Variants in SKAP1 observed in about 807,000 individuals in gnomAD.
SKAP1 encodes src kinase associated phosphoprotein 1.
SKAP1 carries 44 observed loss-of-function variants against 58.5 expected under a neutral mutation model. The observed-to-expected ratio is 0.75, with a 90% CI of 0.59 to 0.97. SKAP1 has a LOEUF of 0.97. Ranked by LOEUF, SKAP1 falls within the 50% of genes least tolerant of loss-of-function variation. The probability of loss-of-function intolerance (pLI) is 0.00; values close to 1 mark genes in which losing one functional copy is unlikely to be tolerated. For synonymous variants in SKAP1, 127 were observed against 149.7 expected (o/e 0.85, Z 1.11); for missense variants, 390 against 435.2 (o/e 0.90, Z 0.92).
chr17:48,236,325 G>T (rs895732085), intron 4 of SKAP1, among the ~76,000 whole-genome samples: 5 of 152,234 alleles, frequency 3.3e-5, no homozygotes, highest in African/African-American at 1.2e-4. Flanking sequence ...TTTATCATTT[G>T]TATTAAGGTT....
In SKAP1 at chr17:48,133,550, C is replaced by G. The variant is rs2063664720; in HGVS notation, c.*274G>C. The G allele has an allele frequency of 6.6e-6, 1 of 152,266 alleles. No individual in the cohort carries two copies. Among genetic ancestry groups the G allele is most frequent in the Non-Finnish European group, 1.5e-5 (1 of 68,062 alleles). 9.4% of individuals were successfully genotyped at this position (152,266 alleles called of 1,614,324 possible). On this transcript the variant is annotated 3_prime_UTR_variant, in exon 13 of 13. Transcript: ENST00000336915. ...TCTCTCTCACCTTCTTTGTGAAAAG[C>G]TTGTGGAAAAGGCAGATGTGGTTGT...
At chr17:48,312,067 T>C (rs1173797199) in intron 4 of SKAP1, among the ~76,000 whole-genome samples, 2 of 152,252 alleles carry the variant, frequency 1.3e-5, no homozygotes, top group Non-Finnish European at 2.9e-5. Flanking sequence ...TTTGAAGTAC[T>C]TCTGTATTCT....
intron 2 of SKAP1, among the ~76,000 whole-genome samples, chr17:48,379,466 C>G (rs1285671388): frequency 1.3e-5 from 2 of 152,152 alleles, no homozygotes; most frequent in Non-Finnish European, 2.9e-5. Flanking sequence ...CTAAGAACTA[C>G]AATGAATTAC....
At chr17:48,197,147 A>G (rs934111483) in intron 4 of SKAP1, among the ~76,000 whole-genome samples, 2 of 151,218 alleles carry the variant, frequency 1.3e-5, no homozygotes, top group African/African-American at 4.8e-5. Context: ...AATCCCAGCT[A>G]CTTGGGAGGC....
chr17:48,138,560 G>C (rs2063730973), intron 11 of SKAP1, among the ~76,000 whole-genome samples: 1 of 151,998 alleles, frequency 6.6e-6, no homozygotes, highest in African/African-American at 2.4e-5. Flanking sequence ...AGTAGAGATG[G>C]GGTTTCACCA....
intron 1 of SKAP1, among the ~76,000 whole-genome samples, chr17:48,403,142 C>G (rs1233885580): frequency 6.7e-6 from 1 of 149,830 alleles, no homozygotes; most frequent in Non-Finnish European, 1.5e-5. Context: ...GGTAGGAGAA[C>G]TGCTTGAGCC....
chr17:48,285,211 G>T (rs8065385), intron 4 of SKAP1, among the ~76,000 whole-genome samples: 1 of 152,050 alleles, frequency 6.6e-6, no homozygotes, highest in Admixed American at 6.5e-5. Context: ...ATTTGAATAA[G>T]GGAATAAGAT....
At chr17:48,153,243 A>C (rs2143172305) in intron 11 of SKAP1, among the ~76,000 whole-genome samples, 1 of 152,312 alleles carries the variant, frequency 6.6e-6, no homozygotes, top group Non-Finnish European at 1.5e-5. Flanking sequence ...TCTTGTTAGC[A>C]GGTTTACATG....
chr17:48,151,246 C>T (rs956905526), intron 11 of SKAP1, among the ~76,000 whole-genome samples: 2 of 152,118 alleles, frequency 1.3e-5, no homozygotes, highest in African/African-American at 4.8e-5. Flanking sequence ...TATCTAGATG[C>T]ACTTCTGTTA....
At chr17:48,338,366 G>A (rs908466832) in intron 4 of SKAP1, among the ~76,000 whole-genome samples, 1 of 152,022 alleles carries the variant, frequency 6.6e-6, no homozygotes, top group African/African-American at 2.4e-5. Context: ...TGGCCAAGCT[G>A]GTCTCGAACT....
At chr17:48,169,109 GTT>G (rs11361596) in intron 10 of SKAP1, among the ~76,000 whole-genome samples, 68 of 149,176 alleles carry the variant, frequency 4.6e-4, no homozygotes, top group African/African-American at 5.7e-4. Flanking sequence ...GGAACAAAAG[GTT>G]TTTTTTTTTT....
intron 8 of SKAP1, among the ~76,000 whole-genome samples, chr17:48,181,376 G>T (rs1173526753): frequency 6.6e-6 from 1 of 152,040 alleles, no homozygotes; most frequent in Non-Finnish European, 1.5e-5. Context: ...TATATTACAC[G>T]CATAAATCCA....
chr17:48,181,731 A>C (rs3805370), intron 8 of SKAP1, among the ~76,000 whole-genome samples: 84,404 of 151,458 alleles, frequency 0.56, 24,457 homozygotes, highest in East Asian at 0.77. Flanking sequence ...TGACAATTAT[A>C]TAATACCGAG....
chr17:48,311,743 T>G (rs1051945818), intron 4 of SKAP1, among the ~76,000 whole-genome samples: 1 of 152,200 alleles, frequency 6.6e-6, no homozygotes, highest in East Asian at 1.9e-4. Context: ...GGCCTGGTTA[T>G]TCCAAAATAG....
At chr17:48,209,113 A>G (rs2064842476) in intron 4 of SKAP1, among the ~76,000 whole-genome samples, 1 of 152,186 alleles carries the variant, frequency 6.6e-6, no homozygotes, top group South Asian at 2.1e-4. Flanking sequence ...CCTCCTAGTT[A>G]GTAAGTGGAC....
intron 10 of SKAP1, among the ~76,000 whole-genome samples, chr17:48,165,309 G>T (rs528962899): frequency 6.6e-6 from 1 of 152,178 alleles, no homozygotes; most frequent in Non-Finnish European, 1.5e-5. Flanking sequence ...GGCTAGTCCA[G>T]CTTCTCCCTA....
chr17:48,202,158 C>T (rs1408508918), intron 4 of SKAP1, among the ~76,000 whole-genome samples: 2 of 152,192 alleles, frequency 1.3e-5, no homozygotes, highest in Non-Finnish European at 2.9e-5. Flanking sequence ...TTTGCCTTCT[C>T]TATGTCTCTC....
chr17:48,285,686 C>G (rs1338571050), intron 4 of SKAP1, among the ~76,000 whole-genome samples: 1 of 151,588 alleles, frequency 6.6e-6, no homozygotes. Flanking sequence ...TGACCCTAAA[C>G]AAATGCTGCA....
chr17:48,234,990 G>A (rs2065164210), intron 4 of SKAP1, among the ~76,000 whole-genome samples: 1 of 152,170 alleles, frequency 6.6e-6, no homozygotes. Context: ...ATAAAGCAAG[G>A]CAAGATTTGT....
Sources: gnomAD v4.1 joint callset for allele counts (sites outside exome capture counted in the v4.1 genomes callset) on GRCh38, gnomAD v4.1.1 for gene constraint, MANE v1.5 for transcripts, NCBI Gene and HGNC (gene_info 2026-07-23, HGNC 2026-07-21) for gene names.